GNAL: variants seen among roughly 807,000 people sequenced by gnomAD.
GNAL encodes guanine nucleotide-binding protein G(olf) subunit alpha.
A neutral mutation model predicts 55.1 loss-of-function variants in GNAL; 18 were observed. That is an observed-to-expected ratio of 0.33 (90% CI 0.23 to 0.48). The LOEUF (loss-of-function observed/expected upper bound fraction) is 0.48. GNAL is among the 20% of genes least tolerant of loss of function. GNAL has a pLI of 0.99. For synonymous variants in GNAL, 253 were observed against 237.0 expected (o/e 1.07, Z -0.62); for missense variants, 412 against 614.1 (o/e 0.67, Z 3.48).
intron 5 of GNAL, among the ~76,000 whole-genome samples, chr18:11,840,706 C>T (rs947901332): frequency 4.3e-4 from 66 of 152,052 alleles, no homozygotes; most frequent in African/African-American, 9.7e-5. Context: ...ACCTGGTGGA[C>T]GTATTCGGGA....
chr18:11,807,522 G>A (rs1055933193), intron 4 of GNAL, among the ~76,000 whole-genome samples: 1 of 152,240 alleles, frequency 6.6e-6, no homozygotes. Context: ...AAGCCGGGCC[G>A]TGGGGGGAAA....
chr18:11,872,408 CA>C lies in GNAL; in HGVS notation c.1162+14del. On this transcript the variant is annotated intron_variant, in intron 10 of 11. Coordinates refer to ENST00000334049, the MANE Select transcript of GNAL (RefSeq NM_182978.4). ...ACTGTTCCTGAAGACGGTAAGATTTCAAAACACATTCTTATGATTGAGGAAT... is the reference window on the plus strand; with the variant it reads ...ACTGTTCCTGAAGACGGTAAGATTTCAAACACATTCTTATGATTGAGGAAT... The C allele has an allele frequency of 6.6e-7, 1 of 1,516,492 alleles. No individual in the cohort carries two copies. The highest frequency in any genetic ancestry group is 2.4e-5 in the East Asian group (1 of 42,490). The allele number at this position is 1,516,492 out of a possible 1,614,324, so 93.9% of individuals were successfully genotyped here.
chr18:11,813,455 T>G (rs2034874093), intron 4 of GNAL, among the ~76,000 whole-genome samples: 1 of 152,148 alleles, frequency 6.6e-6, no homozygotes, highest in Non-Finnish European at 1.5e-5. Flanking sequence ...TTCAAAAGAC[T>G]TAGAGGCTTG....
At chr18:11,865,610 C>G (rs1013774576) in intron 7 of GNAL, among the ~76,000 whole-genome samples, 1 of 147,588 alleles carries the variant, frequency 6.8e-6, no homozygotes, top group Non-Finnish European at 1.5e-5. Context: ...AAAAAATTAG[C>G]CAAGCTTGAT....
At chr18:11,692,374 A>G (rs932770592) in intron 1 of GNAL, among the ~76,000 whole-genome samples, 4 of 152,212 alleles carry the variant, frequency 2.6e-5, no homozygotes, top group African/African-American at 9.6e-5. Flanking sequence ...CAACAACAAC[A>G]AAAAACAGTA....
At chr18:11,825,691 C>T (rs1568044788) in intron 5 of GNAL, among the ~76,000 whole-genome samples, 1 of 141,000 alleles carries the variant, frequency 7.1e-6, no homozygotes, top group Non-Finnish European at 1.5e-5. Flanking sequence ...AGATTGCGCC[C>T]TTGCACTCTG....
chr18:11,884,466 G>A lies in GNAL; in HGVS notation c.*3331G>A, dbSNP rs761546673. ...CTCTTCATCTTGTCTTACGCTTTCC[G>A]AGCAAGTTCAAACCAGAAAGAAAAG... is the stretch of plus-strand genomic sequence containing the variant. On this transcript the variant is annotated 3_prime_UTR_variant, in exon 12 of 12. Transcript: ENST00000334049. 1.4e-5 allele frequency: 23 copies of A among 1,613,962 alleles called. No individual in the cohort carries two copies. Among genetic ancestry groups the A allele is most frequent in the Admixed American group, 1.0e-4 (6 of 60,006 alleles).
chr18:11,763,851 C>G (rs895959134), intron 4 of GNAL, among the ~76,000 whole-genome samples: 3 of 152,124 alleles, frequency 2.0e-5, no homozygotes, highest in African/African-American at 4.8e-5. Flanking sequence ...GTTGCTCAGC[C>G]GACCTTTTTT....
At position 11,783,149 on chromosome 18, in the gene GNAL, G is replaced by A. The variant is rs540708918; in HGVS notation, c.624+29204G>A. ...GGTGGGTCATTCCCATTACTTTTTC[G>A]TTCTGTATATATTCCAGGTTTAATT... On this transcript the variant is annotated intron_variant, in intron 4 of 11. Coordinates refer to ENST00000334049, the MANE Select transcript of GNAL (RefSeq NM_182978.4). 1.1e-4 allele frequency among the ~76,000 whole-genome samples: 16 copies of A among 152,156 alleles called. No homozygotes were observed. In the South Asian group the frequency reaches 2.5e-3, roughly 24 times the overall value.
At chr18:11,844,508 C>T (rs112892087) in intron 5 of GNAL, among the ~76,000 whole-genome samples, 32 of 152,262 alleles carry the variant, frequency 2.1e-4, no homozygotes, top group African/African-American at 5.5e-4. Flanking sequence ...TGGCCATGGC[C>T]GTTTTAAATC....
chr18:11,757,117 G>A (rs1344089204), intron 4 of GNAL, among the ~76,000 whole-genome samples: 1 of 152,052 alleles, frequency 6.6e-6, no homozygotes, highest in Non-Finnish European at 1.5e-5. Context: ...TTGCACATGG[G>A]GGAAATACGG....
chr18:11,743,818 T>TG (rs1295616084), intron 1 of GNAL, among the ~76,000 whole-genome samples: 1 of 152,266 alleles, frequency 6.6e-6, no homozygotes, highest in East Asian at 1.9e-4. Flanking sequence ...ATTTGATTTC[T>TG]GGTTTGTAAA....
At chr18:11,723,211 A>G (rs2143411266) in intron 1 of GNAL, among the ~76,000 whole-genome samples, 1 of 152,354 alleles carries the variant, frequency 6.6e-6, no homozygotes, top group East Asian at 1.9e-4. Context: ...AAAACGTTGT[A>G]GTCTGTACAA....
At chr18:11,810,645 G>A (rs73405491) in intron 4 of GNAL, 9,708 of 152,276 alleles carry the variant, frequency 0.064, 453 homozygotes, top group African/African-American at 0.13. Context: ...ACCCCACAGA[G>A]GATTGAGGCT....
Position 11,868,752 on chromosome 18 carries a change from C to A in GNAL, c.1031+89C>A. 9.1e-7 allele frequency: 1 copy of A among 1,100,188 alleles called. No homozygotes were observed. The highest frequency in any genetic ancestry group is 1.3e-6 in the Non-Finnish European group (1 of 762,150). The allele number at this position is 1,100,188 out of a possible 1,614,324, so 68.2% of individuals were successfully genotyped here. A position where few individuals can be genotyped will look rare whatever the true frequency, so the allele number is the denominator to read the frequency against. On this transcript the variant is annotated intron_variant, in intron 9 of 11. Coordinates refer to ENST00000334049, the MANE Select transcript of GNAL (RefSeq NM_182978.4). The surrounding 1 kb of genome is among the most constrained non-coding windows in gnomAD (Gnocchi z 4.0). Reference sequence around the variant, plus strand: ...CTCAGGCCAGGCGTTGTGGCTCACACCTGTAATCTCAACACTGGGAGGCCG... The same window carrying A: ...CTCAGGCCAGGCGTTGTGGCTCACAACTGTAATCTCAACACTGGGAGGCCG...
At chr18:11,861,680 C>T (rs2036141586) in intron 5 of GNAL, among the ~76,000 whole-genome samples, 1 of 152,174 alleles carries the variant, frequency 6.6e-6, no homozygotes, top group African/African-American at 2.4e-5. Flanking sequence ...CGGCGGCCTC[C>T]CAGCTCCCTC....
chr18:11,840,668 CG>C (rs2035594123), intron 5 of GNAL, among the ~76,000 whole-genome samples: 1 of 152,094 alleles, frequency 6.6e-6, no homozygotes, highest in East Asian at 1.9e-4. Context: ...TCATAGTTAG[CG>C]TTCTTCCCTG....
intron 5 of GNAL, among the ~76,000 whole-genome samples, chr18:11,841,957 T>C (rs965806568): frequency 5.9e-5 from 9 of 151,878 alleles, no homozygotes; most frequent in African/African-American, 2.2e-4. Context: ...AGAAAACATA[T>C]GTTATATTTT....
chr18:11,863,677 A>T (rs1302993790), intron 6 of GNAL, among the ~76,000 whole-genome samples: 1 of 152,180 alleles, frequency 6.6e-6, no homozygotes, highest in Non-Finnish European at 1.5e-5. Context: ...ACATCTGCCA[A>T]ATGTACCAGG....
Sources: gnomAD v4.1 joint callset for allele counts (sites outside exome capture counted in the v4.1 genomes callset) on GRCh38, gnomAD v4.1.1 for gene constraint, Gnocchi (gnomAD v3.1) non-coding constraint, MANE v1.5 for transcripts, NCBI Gene and HGNC (gene_info 2026-07-23, HGNC 2026-07-21) for gene names.